Variants in RASA3 observed in about 807,000 individuals in gnomAD.
RASA3 encodes the protein ras GTPase-activating protein 3.
A neutral mutation model predicts 110.0 loss-of-function variants in RASA3; 73 were observed. The ratio of observed to expected loss-of-function variants is 0.66; its 90% CI spans 0.55 to 0.81. The LOEUF (loss-of-function observed/expected upper bound fraction) is 0.81, where lower values mean the gene tolerates loss of function less well. Among genes scored for constraint, RASA3 ranks in the 30% least tolerant of loss-of-function variants. RASA3 has a pLI of 0.00. For synonymous variants in RASA3, 500 were observed against 451.4 expected (o/e 1.11, Z -1.37); for missense variants, 976 against 1,113.2 (o/e 0.88, Z 1.75).
At chr13:114,034,530 C>T (rs983992695) in intron 4 of RASA3, among the ~76,000 whole-genome samples, 4 of 152,242 alleles carry the variant, frequency 2.6e-5, no homozygotes, top group African/African-American at 9.6e-5. Flanking sequence ...GAGGCTGCTC[C>T]TGTTCCTGCA....
At chr13:113,992,758 G>T (rs553075427) in intron 21 of RASA3, among the ~76,000 whole-genome samples, 170 bp from the exon 22 acceptor site, 1 of 152,360 alleles carries the variant, frequency 6.6e-6, no homozygotes, top group South Asian at 2.1e-4. Context: ...GTGTTGGCTT[G>T]CTGAGCAAGG....
At chr13:114,019,640 T>C (rs983852876) in intron 9 of RASA3, among the ~76,000 whole-genome samples, 4 of 149,810 alleles carry the variant, frequency 2.7e-5, no homozygotes, top group Non-Finnish European at 5.9e-5. Flanking sequence ...GTCAGGTAGG[T>C]GGAGCCTGTG....
chr13:113,997,681 A>G lies in RASA3; in HGVS notation c.1933-942T>C, dbSNP rs143269647. 5.1e-3 allele frequency among the ~76,000 whole-genome samples: 779 copies of G among 152,276 alleles called. 1 individual carries two copies. The highest frequency in any genetic ancestry group is 0.016 in the African/African-American group (672 of 41,552). ...TCCCAGAAGGAGCCGGCTCTGTTGCACACAGAAGACAGGTTTTCTGAGTAG... is the reference window on the plus strand; with the variant it reads ...TCCCAGAAGGAGCCGGCTCTGTTGCGCACAGAAGACAGGTTTTCTGAGTAG... On this transcript the variant is annotated intron_variant, in intron 20 of 23. Transcript: ENST00000334062.
intron 1 of RASA3, among the ~76,000 whole-genome samples, chr13:114,089,302 G>C (rs1284671864): frequency 1.3e-5 from 2 of 148,678 alleles, no homozygotes; most frequent in East Asian, 2.0e-4. Flanking sequence ...GGGGAGGAGG[G>C]GGGGAGGAGG....
intron 1 of RASA3, among the ~76,000 whole-genome samples, chr13:114,081,538 A>G (rs6560960): frequency 0.93 from 141,090 of 152,234 alleles, 65,947 homozygotes; most frequent in Non-Finnish European, 1. Context: ...TGGAGCAGGA[A>G]TGCCTCTGGA....
intron 21 of RASA3, among the ~76,000 whole-genome samples, chr13:113,995,703 GGCTGACGGAGGACCCA>G (rs2053221523): frequency 1.0e-5 from 1 of 96,944 alleles, no homozygotes; most frequent in East Asian, 3.5e-4. Flanking sequence ...ATGGGGGGCT[GGCTGACGGAGGACCCA>G]GCTGATGGGG....
intron 2 of RASA3, among the ~76,000 whole-genome samples, chr13:114,072,827 G>A (rs531267969): frequency 1.3e-5 from 2 of 152,312 alleles, no homozygotes; most frequent in South Asian, 2.1e-4. Flanking sequence ...TTCTCTACAC[G>A]CGGGAAAATA....
chr13:114,074,162 G>A (rs1027895458), intron 1 of RASA3, among the ~76,000 whole-genome samples: 9 of 152,138 alleles, frequency 5.9e-5, no homozygotes, highest in South Asian at 2.1e-4. Flanking sequence ...ACCTGCTCGC[G>A]TGCACAGTTC....
intron 13 of RASA3, 132 bp from the exon 14 acceptor site, chr13:114,015,464 A>G (rs2053769441): frequency 6.4e-6 from 7 of 1,092,628 alleles, no homozygotes; most frequent in Non-Finnish European, 7.8e-6. Flanking sequence ...GCAGTGAGAC[A>G]CGTGTGAACA....
At chr13:114,027,018 A>C (rs1449061799) in intron 7 of RASA3, among the ~76,000 whole-genome samples, 1 of 152,172 alleles carries the variant, frequency 6.6e-6, no homozygotes, top group Admixed American at 6.5e-5. Context: ...CAGAGCAGCC[A>C]AAAAAACAAA....
In RASA3 at chr13:114,109,944, TCTC is replaced by T. The variant is rs568416304; in HGVS notation, c.55+22488_55+22490del. 2.8e-4 allele frequency among the ~76,000 whole-genome samples: 43 copies of T among 152,010 alleles called. 1 individual carries two copies. The South Asian group carries it at 9.0e-3, about 32-fold the overall frequency. ...GCGCAACTTCCCGGTGAACGTCCCG[TCTC>T]CTCAGCCACCCACAGATGCTGCCAC... On this transcript the variant is annotated intron_variant, in intron 1 of 23. Coordinates refer to ENST00000334062, the MANE Select transcript of RASA3 (RefSeq NM_007368.4).
chr13:114,081,668 G>C (rs1391442717), intron 1 of RASA3, among the ~76,000 whole-genome samples: 3 of 152,236 alleles, frequency 2.0e-5, no homozygotes, highest in Admixed American at 1.3e-4. Flanking sequence ...CTCCTCCACA[G>C]AGACGTGTCC....
At chr13:114,124,712 C>T (rs1169229714) in intron 1 of RASA3, among the ~76,000 whole-genome samples, 1 of 152,378 alleles carries the variant, frequency 6.6e-6, no homozygotes, top group African/African-American at 2.4e-5. Context: ...ACGCCCGCTG[C>T]GGCCTGACGG....
chr13:113,999,071 C>T (rs9525179), intron 20 of RASA3, among the ~76,000 whole-genome samples: 2 of 35,134 alleles, frequency 5.7e-5, no homozygotes, highest in East Asian at 3.3e-3. Context: ...CATGTGGGTC[C>T]GGGTCAAGCG....
chr13:114,046,668 C>T (rs1417688593), intron 3 of RASA3, among the ~76,000 whole-genome samples: 1 of 152,184 alleles, frequency 6.6e-6, no homozygotes, highest in Non-Finnish European at 1.5e-5. Context: ...CTGCTTCCAC[C>T]CATCCCTGTC....
At chr13:114,002,012 G>A (rs996441937) in intron 18 of RASA3, among the ~76,000 whole-genome samples, 1 of 152,244 alleles carries the variant, frequency 6.6e-6, no homozygotes, top group East Asian at 1.9e-4. Context: ...CAGGGTCCTC[G>A]AACACCCTCC....
rs2052808653 is a variant in RASA3, at chr13:113,977,807, T to C, written c.*1540A>G. 1 of 152,528 alleles carries C rather than the reference T, an allele frequency of 6.6e-6. No homozygotes were observed. The highest frequency in any genetic ancestry group is 1.5e-5 in the Non-Finnish European group (1 of 68,054). 9.4% of individuals were successfully genotyped at this position (152,528 alleles called of 1,614,324 possible). A position where few individuals can be genotyped will look rare whatever the true frequency, so the allele number is the denominator to read the frequency against. ...CTCAGAAAGAATAAAACATCTGTTT[T>C]AATTGGCCAGTAAAATACATTGCAA... On this transcript the variant is annotated 3_prime_UTR_variant, in exon 24 of 24. Coordinates refer to ENST00000334062, the MANE Select transcript of RASA3 (RefSeq NM_007368.4).
chr13:114,040,799 C>T lies in RASA3; in HGVS notation c.372+201G>A, dbSNP rs1383787260. 6.0e-5 allele frequency among the ~76,000 whole-genome samples: 9 copies of T among 151,100 alleles called. 1 individual carries two copies. The highest frequency in any genetic ancestry group is 1.7e-4 in the African/African-American group (7 of 40,928). On this transcript the variant is annotated intron_variant, in intron 4 of 23. Transcript: ENST00000334062. ...TGCGCTCACTCCGAGCACAAGCAGG[C>T]GAACACGCACAACCCAAAATCCATG...
chr13:114,119,688 GCCC>G (rs577834106), intron 1 of RASA3, among the ~76,000 whole-genome samples: 21 of 15,160 alleles, frequency 1.4e-3, no homozygotes, highest in Non-Finnish European at 1.5e-3. Context: ...GTCGATCAGG[GCCC>G]CCCCTCCCTC....
Sources: allele counts gnomAD v4.1 joint callset (sites outside exome capture counted in the v4.1 genomes callset), GRCh38; gene constraint gnomAD v4.1.1; transcripts MANE v1.5; gene names NCBI Gene and HGNC (gene_info 2026-07-23, HGNC 2026-07-21).